Variants in GASK1B observed in about 807,000 individuals in gnomAD.
GASK1B encodes golgi associated kinase 1B.
GASK1B carries 34 observed loss-of-function variants against 42.8 expected under a neutral mutation model. The observed-to-expected ratio is 0.79, with a 90% CI of 0.60 to 1.06. GASK1B has a LOEUF of 1.06. GASK1B is among the 50% of genes least tolerant of loss of function. GASK1B has a pLI of 0.00. For missense variants in GASK1B, 686 were observed against 661.0 expected (o/e 1.04, Z -0.42); for synonymous variants, 262 against 259.1 (o/e 1.01, Z -0.11).
At chr4:158,137,522 CT>C (rs1470796907) in intron 3 of GASK1B, among the ~76,000 whole-genome samples, 2 of 152,120 alleles carry the variant, frequency 1.3e-5, no homozygotes, top group Admixed American at 6.5e-5. Context: ...ATGAATTTGT[CT>C]TGATGAAAAC....
In GASK1B at chr4:158,141,597, C is replaced by CATTTTTTTTTTTT. The variant is rs1553958620; in HGVS notation, c.1126-10586_1126-10585insAAAAAAAAAAAAT. On this transcript the variant is annotated intron_variant, in intron 3 of 4. Coordinates refer to ENST00000585682, the MANE Select transcript of GASK1B (RefSeq NM_001128424.2). ...CATAGGTCAGTGCCTTTGTATTTAC[C>CATTTTTTTTTTTT]TTTTTTTTTTTTTTTTTTTTTTTTT... Among the ~76,000 whole-genome samples, 3 of 113,694 alleles carry CATTTTTTTTTTTT rather than the reference C, an allele frequency of 2.6e-5. 1 individual carries two copies. Among genetic ancestry groups the CATTTTTTTTTTTT allele is most frequent in the African/African-American group, 3.5e-5 (1 of 28,906 alleles). 74.6% of individuals were successfully genotyped at this position (113,694 alleles called of 152,430 possible).
At chr4:158,152,319 TC>T (rs1292469706) in intron 3 of GASK1B, among the ~76,000 whole-genome samples, 1 of 152,016 alleles carries the variant, frequency 6.6e-6, no homozygotes, top group East Asian at 1.9e-4. Flanking sequence ...ATTAGTTCTG[TC>T]CCTCTAGAGA....
At chr4:158,167,340 G>A (rs1331750140) in intron 2 of GASK1B, 1 of 152,168 alleles carries the variant, frequency 6.6e-6, no homozygotes, top group Non-Finnish European at 1.5e-5. Flanking sequence ...CACACTGATA[G>A]TTCTCACAAG....
intron 4 of GASK1B, among the ~76,000 whole-genome samples, chr4:158,129,007 C>A (rs1730566297): frequency 6.6e-6 from 1 of 152,090 alleles, no homozygotes; most frequent in East Asian, 1.9e-4. Context: ...AGTGGCTAAT[C>A]CTTTTCATAA....
At chr4:158,155,904 TCA>T (rs1405674765) in intron 2 of GASK1B, 79 bp from the exon 3 acceptor site, 1 of 1,106,164 alleles carries the variant, frequency 9.0e-7, no homozygotes, top group Non-Finnish European at 1.3e-6. Flanking sequence ...GTTCACTCTT[TCA>T]CAGTCTCACG....
intron 2 of GASK1B, 52 bp from the exon 3 acceptor site, chr4:158,155,877 G>T: frequency 6.6e-7 from 1 of 1,519,866 alleles, no homozygotes; most frequent in Non-Finnish European, 9.1e-7. Flanking sequence ...GACTCAGGGT[G>T]TGTCTTTGAG....
chr4:158,162,017 C>T (rs368923968), intron 2 of GASK1B, among the ~76,000 whole-genome samples: 6 of 152,206 alleles, frequency 3.9e-5, no homozygotes, highest in East Asian at 3.9e-4. Flanking sequence ...GTTGTTTTTC[C>T]GAACTATTTG....
chr4:158,166,679 C>T (rs1041797482), intron 2 of GASK1B, among the ~76,000 whole-genome samples: 1 of 152,030 alleles, frequency 6.6e-6, no homozygotes, highest in Non-Finnish European at 1.5e-5. Context: ...TCTAGGAAAA[C>T]TCAATAACTC....
chr4:158,135,461 T>A (rs188825990), intron 3 of GASK1B, among the ~76,000 whole-genome samples: 19 of 152,040 alleles, frequency 1.2e-4, no homozygotes, highest in Non-Finnish European at 2.2e-4. Context: ...TACTTAATGC[T>A]TCACATGTAT....
intron 2 of GASK1B, among the ~76,000 whole-genome samples, chr4:158,160,202 C>T (rs1025275712): frequency 6.6e-6 from 1 of 152,118 alleles, no homozygotes; most frequent in Non-Finnish European, 1.5e-5. Context: ...TTCTGTTGGG[C>T]CCCATCACAA....
At chr4:158,131,844 G>A (rs1277650291) in intron 3 of GASK1B, among the ~76,000 whole-genome samples, 1 of 150,730 alleles carries the variant, frequency 6.6e-6, no homozygotes, top group African/African-American at 2.4e-5. Flanking sequence ...GACTCTCAAT[G>A]TAAACGCCTG....
chr4:158,144,572 C>G (rs545013669), intron 3 of GASK1B, among the ~76,000 whole-genome samples: 1 of 152,144 alleles, frequency 6.6e-6, no homozygotes, highest in Non-Finnish European at 1.5e-5. Context: ...TTCCTTGTGA[C>G]CAAGTGAACC....
intron 3 of GASK1B, among the ~76,000 whole-genome samples, chr4:158,144,340 T>A (rs897569134): frequency 2.0e-5 from 3 of 152,192 alleles, no homozygotes; most frequent in Non-Finnish European, 1.5e-5. Flanking sequence ...AATACTGAAA[T>A]AATTTCTTCT....
chr4:158,126,322 C>G lies in GASK1B; in HGVS notation c.*1085G>C, dbSNP rs1035472065. On this transcript the variant is annotated 3_prime_UTR_variant, in exon 5 of 5. Transcript: ENST00000585682. ...TGATTATTTGAGGCTTAATATTGTC[C>G]AAATTTACTGTTTTAGTTCTAGTCA... 1 of 151,976 alleles carries G rather than the reference C, an allele frequency of 6.6e-6. No individual in the cohort carries two copies. The highest frequency in any genetic ancestry group is 2.4e-5 in the African/African-American group (1 of 41,398). The allele number at this position is 151,976 out of a possible 1,614,324, so 9.4% of individuals were successfully genotyped here.
At chr4:158,156,796 T>C (rs1383298396) in intron 2 of GASK1B, among the ~76,000 whole-genome samples, 1 of 151,996 alleles carries the variant, frequency 6.6e-6, no homozygotes, top group Non-Finnish European at 1.5e-5. Flanking sequence ...ATTACAAAGA[T>C]CCAATAAAGC....
Position 158,155,770 on chromosome 4 carries a change from A to G in GASK1B, c.966T>C (p.Asn322=), listed in dbSNP as rs773228924. Residue 322 remains asparagine (N), a synonymous_variant, in exon 3 of 5, where the codon AAT becomes AAC. Coordinates refer to ENST00000585682, the MANE Select transcript of GASK1B (RefSeq NM_001128424.2). The part of the protein sequence containing the change: ...LWDASLSSAS[N]DTHSSVKLTW... ...TGAGCTTAACAGAAGAATGGGTGTCATTACTTGCTGAAGATAAAGATGCAT... is the reference window on the plus strand; with the variant it reads ...TGAGCTTAACAGAAGAATGGGTGTCGTTACTTGCTGAAGATAAAGATGCAT... 6.2e-7 allele frequency: 1 copy of G among 1,613,852 alleles called. No individual in the cohort carries two copies. Among genetic ancestry groups the G allele is most frequent in the Non-Finnish European group, 8.5e-7 (1 of 1,179,802 alleles).
chr4:158,164,974 G>A (rs1284339785), intron 2 of GASK1B, among the ~76,000 whole-genome samples: 2 of 152,206 alleles, frequency 1.3e-5, no homozygotes, highest in Admixed American at 1.3e-4. Context: ...GAATTTAAAT[G>A]GAAGTGTGTG....
chr4:158,125,945 C>G lies in GASK1B; in HGVS notation c.*1462G>C, dbSNP rs746597507. On this transcript the variant is annotated 3_prime_UTR_variant, in exon 5 of 5. Transcript: ENST00000585682. ...CTATTGTAACGTTGTTAGTAGTTCT[C>G]TTTCACACAGATATTGAGTTAACCT... The G allele has an allele frequency of 5.3e-5, 8 of 151,608 alleles. No homozygotes were observed. Among genetic ancestry groups the G allele is most frequent in the Non-Finnish European group, 1.0e-4 (7 of 67,886 alleles). The allele number at this position is 151,608 out of a possible 1,614,324, so 9.4% of individuals were successfully genotyped here.
At chr4:158,149,294 T>G (rs1275786134) in intron 3 of GASK1B, among the ~76,000 whole-genome samples, 1 of 152,192 alleles carries the variant, frequency 6.6e-6, no homozygotes, top group African/African-American at 2.4e-5. Flanking sequence ...AAACTTAGAG[T>G]GGGACAGTGA....
Sources: gnomAD v4.1 joint callset for allele counts (sites outside exome capture counted in the v4.1 genomes callset) on GRCh38, gnomAD v4.1.1 for gene constraint, MANE v1.5 for transcripts, NCBI Gene and HGNC (gene_info 2026-07-23, HGNC 2026-07-21) for gene names.